Variants in DRG1 observed in about 807,000 individuals in gnomAD.
DRG1 encodes the protein developmentally-regulated GTP-binding protein 1.
In DRG1, 19 loss-of-function variants were observed where a neutral mutation model predicts 38.8. The observed-to-expected ratio is 0.49, with a 90% CI of 0.34 to 0.72. The LOEUF (loss-of-function observed/expected upper bound fraction) is 0.72, where lower values mean the gene tolerates loss of function less well. Ranked by LOEUF, DRG1 falls within the 30% of genes least tolerant of loss-of-function variation. The pLI is 0.01. For missense variants in DRG1, 299 were observed against 444.8 expected, an observed-to-expected ratio of 0.67 and a Z score of 2.95; for synonymous variants, 167 against 157.5, an observed-to-expected ratio of 1.06 and a Z score of -0.45.
intron 6 of DRG1, among the ~76,000 whole-genome samples, chr22:31,425,440 CT>C (rs34249543): frequency 0.23 from 31,366 of 136,960 alleles, 3,687 homozygotes; most frequent in East Asian, 0.43. Context: ...TGATACATTA[CT>C]TTTTTTTTTT....
intron 2 of DRG1, among the ~76,000 whole-genome samples, chr22:31,401,894 T>C (rs2049963203): frequency 6.6e-6 from 1 of 151,688 alleles, no homozygotes; most frequent in African/African-American, 2.4e-5. Flanking sequence ...CTGCTAAAAA[T>C]ACAAAAATTA....
chr22:31,416,628 A>G (rs2050045768), intron 4 of DRG1, among the ~76,000 whole-genome samples: 1 of 152,024 alleles, frequency 6.6e-6, no homozygotes, highest in South Asian at 2.1e-4. Context: ...GGTGGCAGGT[A>G]CCTGTAATTC....
chr22:31,426,980 G>T, intron 7 of DRG1, 80 bp from the exon 8 acceptor site: 1 of 1,585,956 alleles, frequency 6.3e-7, no homozygotes, highest in Non-Finnish European at 8.6e-7. Context: ...TCTGATGTCA[G>T]GGGTGATGGA....
intron 5 of DRG1, 28 bp downstream of exon 5, chr22:31,420,453 G>A (rs2273248): frequency 0.013 from 20,648 of 1,613,028 alleles, 815 homozygotes; most frequent in Admixed American, 0.1. Flanking sequence ...CATGGGGCAG[G>A]CTGCTGCAGG....
At chr22:31,433,730 C>G in intron 8 of DRG1, 142 bp from the exon 9 acceptor site, 1 of 622,374 alleles carries the variant, frequency 1.6e-6, no homozygotes, top group Non-Finnish European at 2.7e-6. Flanking sequence ...GTGTCTCATG[C>G]TGCTAGGGAA....
chr22:31,407,704 A>G (rs1210678161), intron 3 of DRG1, among the ~76,000 whole-genome samples: 2 of 123,790 alleles, frequency 1.6e-5, no homozygotes, highest in African/African-American at 3.0e-5. Context: ...TTTTTTGAGT[A>G]CGTTCTTGAA....
At chr22:31,407,215 C>T (rs1008116481) in intron 3 of DRG1, among the ~76,000 whole-genome samples, 24 of 152,126 alleles carry the variant, frequency 1.6e-4, no homozygotes, top group Non-Finnish European at 3.1e-4. Flanking sequence ...TTTTTTTGGA[C>T]AGTTAATATA....
At position 31,423,288 on chromosome 22, in the gene DRG1, G is replaced by C. The variant is rs141775898; in HGVS notation, c.591G>C (p.Gln197His). The C allele has an allele frequency of 1.2e-6, 2 of 1,613,960 alleles. No individual in the cohort carries two copies. The highest frequency in any genetic ancestry group is 1.7e-6 in the Non-Finnish European group (2 of 1,180,010). ...CTGCTATTCCCTTTCAGTGCCCCCA[G>C]AGTGAGCTGGATGCTGAAACTGTGA... ...GGINLTATCP[Q>H]SELDAETVKS... Residue 197 changes from glutamine (Q) to histidine (H), a missense_variant, in exon 6 of 9, where the codon CAG becomes CAC. This residue lies in a region of DRG1 where 198 missense variants were observed against 268.1 expected (regional missense o/e 0.74). Transcript: ENST00000331457.
At chr22:31,411,711 G>A (rs77708401) in intron 4 of DRG1, among the ~76,000 whole-genome samples, 1 of 149,774 alleles carries the variant, frequency 6.7e-6, no homozygotes, top group Non-Finnish European at 1.5e-5. Flanking sequence ...TTTTTTTTTG[G>A]TAGAGACGGA....
intron 4 of DRG1, among the ~76,000 whole-genome samples, chr22:31,419,311 T>C (rs2050062423): frequency 6.6e-6 from 1 of 151,330 alleles, no homozygotes. Flanking sequence ...TCTGTCAATA[T>C]AAATATATAT....
In DRG1 at chr22:31,420,372, C is replaced by G; in HGVS notation, c.529C>G (p.Pro177Ala). 1 of 1,614,110 alleles carries G rather than the reference C, an allele frequency of 6.2e-7. No homozygotes were observed. Among genetic ancestry groups the G allele is most frequent in the South Asian group, 1.1e-5 (1 of 91,078 alleles). ...GFGIRLNSKP[P>A]NIGFKKKDKG... The stretch of plus-strand genomic sequence containing the variant: ...TGGCATTCGCTTGAACAGCAAACCC[C>G]CCAACATTGGCTTTAAGAAGAAGGA... Residue 177 changes from proline (P) to alanine (A), a missense_variant, in exon 5 of 9, where the codon CCC becomes GCC. Around this residue, in one of 3 missense-constraint regions of DRG1, gnomAD observed 198 missense variants for 268.1 expected, o/e 0.74. Coordinates refer to ENST00000331457, the MANE Select transcript of DRG1 (RefSeq NM_004147.4).
rs77810520 is a variant in DRG1 at position 31,412,820 on chromosome 22, G to A, written c.412+1739G>A. On this transcript the variant is annotated intron_variant, in intron 4 of 8. Transcript: ENST00000331457. ...TCCACCTCAGTCTCCCGAGTAGCAGGGACTACAGGTGCGTGCCACCATACC... is the reference window on the plus strand; with the variant it reads ...TCCACCTCAGTCTCCCGAGTAGCAGAGACTACAGGTGCGTGCCACCATACC... Among the ~76,000 whole-genome samples the A allele has an allele frequency of 1.2e-3, 184 of 151,900 alleles. 1 individual carries two copies. The highest frequency in any genetic ancestry group is 2.0e-3 in the Non-Finnish European group (136 of 67,956).
rs2050161248 is a variant in DRG1 at position 31,434,427 on chromosome 22, T to TA, written c.*458dup. ...TACTGGAGAGAGGAAGGACTTTATG[T>TA]AAGTTAATTGATCACTCCCCGCAAG... On this transcript the variant is annotated 3_prime_UTR_variant, in exon 9 of 9. Coordinates refer to ENST00000331457, the MANE Select transcript of DRG1 (RefSeq NM_004147.4). 6.3e-6 allele frequency: 1 copy of TA among 159,106 alleles called. No homozygotes were observed. The highest frequency in any genetic ancestry group is 1.9e-4 in the East Asian group (1 of 5,336). The allele number at this position is 159,106 out of a possible 1,614,324, so 9.9% of individuals were successfully genotyped here. A position where few individuals can be genotyped will look rare whatever the true frequency, so the allele number is the denominator to read the frequency against.
intron 4 of DRG1, among the ~76,000 whole-genome samples, chr22:31,418,635 G>A (rs1311015337): frequency 6.6e-6 from 1 of 151,976 alleles, no homozygotes; most frequent in African/African-American, 2.4e-5. Flanking sequence ...AGCCTCCTGA[G>A]TAGCTGGGAT....
At chr22:31,418,812 G>A (rs915724481) in intron 4 of DRG1, among the ~76,000 whole-genome samples, 1 of 152,182 alleles carries the variant, frequency 6.6e-6, no homozygotes, top group African/African-American at 2.4e-5. Flanking sequence ...CTCCCAAGTA[G>A]CTGGGACTAC....
chr22:31,402,348 CAAAA>C (rs1019515663), intron 2 of DRG1, among the ~76,000 whole-genome samples: 4 of 151,592 alleles, frequency 2.6e-5, no homozygotes, highest in Admixed American at 2.6e-4. Flanking sequence ...ATTTGAAAGA[CAAAA>C]AAACAAAAAC....
chr22:31,432,429 G>GTGT (rs1200138026), intron 8 of DRG1, among the ~76,000 whole-genome samples: 4 of 135,734 alleles, frequency 2.9e-5, no homozygotes, highest in Non-Finnish European at 6.4e-5. Flanking sequence ...GTGTGTGTGT[G>GTGT]TTTTTTTTTT....
At chr22:31,402,505 CTT>C (rs66506650) in intron 2 of DRG1, among the ~76,000 whole-genome samples, 1,265 of 104,700 alleles carry the variant, frequency 0.012, 5 homozygotes, top group Middle Eastern at 0.024. Context: ...TGGGCTGTAC[CTT>C]TTTTTTTTTT....
chr22:31,419,553 A>T (rs1278725308), intron 4 of DRG1, among the ~76,000 whole-genome samples: 2 of 152,128 alleles, frequency 1.3e-5, no homozygotes, highest in Admixed American at 6.6e-5. Context: ...CTATGGTGGC[A>T]GAAAGCAGAT....
Sources: gnomAD v4.1 joint callset for allele counts (sites outside exome capture counted in the v4.1 genomes callset) on GRCh38, gnomAD v4.1.1 for gene constraint, gnomAD v4.1.1 regional missense constraint, MANE v1.5 for transcripts, NCBI Gene and HGNC (gene_info 2026-07-23, HGNC 2026-07-21) for gene names.